The following MICAL3 variants were observed in gnomAD, a reference collection of about 807,000 sequenced individuals.
MICAL3 encodes the protein [F-actin]-monooxygenase MICAL3.
MICAL3 carries 62 observed loss-of-function variants against 207.4 expected under a neutral mutation model. The ratio of observed to expected loss-of-function variants is 0.30; its 90% CI spans 0.24 to 0.37. The LOEUF (loss-of-function observed/expected upper bound fraction) is 0.37. Among genes scored for constraint, MICAL3 ranks in the 10% least tolerant of loss-of-function variants. MICAL3 has a pLI of 1.00. For synonymous variants in MICAL3, 1,077 were observed against 1,069.3 expected (o/e 1.01, Z -0.14); for missense variants, 2,368 against 2,635.6 (o/e 0.90, Z 2.22).
chr22:17,883,640 C>G (rs900216063), intron 16 of MICAL3, among the ~76,000 whole-genome samples: 4 of 152,208 alleles, frequency 2.6e-5, no homozygotes, highest in African/African-American at 9.7e-5. Context: ...GCTGGGTTTT[C>G]TCTTAGAAAG....
intron 1 of MICAL3, among the ~76,000 whole-genome samples, chr22:17,965,308 T>TA (rs1935097676): frequency 6.6e-6 from 1 of 151,742 alleles, no homozygotes; most frequent in African/African-American, 2.4e-5. Context: ...CCGGAACCCC[T>TA]AAAAGACCCT....
chr22:17,810,829 GA>G lies in MICAL3; in HGVS notation c.5446-17del. On this transcript the variant is annotated splice_polypyrimidine_tract_variant and intron_variant, in intron 27 of 31. Coordinates refer to ENST00000441493, the MANE Select transcript of MICAL3 (RefSeq NM_015241.3). ...AGGTTCTTGGCTGGAGAGAACAAGA[GA>G]AACTTCCTCAGTCAGGTGCACGGAG... is the stretch of plus-strand genomic sequence containing the variant. 6.2e-7 allele frequency: 1 copy of G among 1,607,896 alleles called. No homozygotes were observed. The highest frequency in any genetic ancestry group is 8.5e-7 in the Non-Finnish European group (1 of 1,174,382).
chr22:17,879,315 C>T (rs768314843), intron 16 of MICAL3: 2 of 1,589,956 alleles, frequency 1.3e-6, no homozygotes, highest in Admixed American at 1.8e-5. Flanking sequence ...TGGCTCTCAG[C>T]ATCCCATGCC....
At chr22:17,895,778 C>T (rs192554777) in intron 9 of MICAL3, among the ~76,000 whole-genome samples, 99 of 152,182 alleles carry the variant, frequency 6.5e-4, no homozygotes, top group Middle Eastern at 6.8e-3. Flanking sequence ...AGTCAGAATA[C>T]CTTAAATAAG....
At chr22:17,836,359 A>C (rs1295051226) in intron 20 of MICAL3, among the ~76,000 whole-genome samples, 1 of 152,254 alleles carries the variant, frequency 6.6e-6, no homozygotes, top group Admixed American at 6.5e-5. Flanking sequence ...CGCTGCTTTT[A>C]TAAATGACAA....
chr22:17,982,660 G>T (rs552578195), intron 1 of MICAL3, among the ~76,000 whole-genome samples: 2 of 116,926 alleles, frequency 1.7e-5, no homozygotes, highest in Admixed American at 8.6e-5. Flanking sequence ...GACAGAGTAA[G>T]ACTTCATCTC....
chr22:17,787,969 A>C lies in MICAL3; in HGVS notation c.*2763T>G, dbSNP rs898963249. 1 of 152,284 alleles carries C rather than the reference A, an allele frequency of 6.6e-6. No homozygotes were observed. Among genetic ancestry groups the C allele is most frequent in the Non-Finnish European group, 1.5e-5 (1 of 68,048 alleles). The allele number at this position is 152,284 out of a possible 1,614,324, so 9.4% of individuals were successfully genotyped here. A position where few individuals can be genotyped will look rare whatever the true frequency, so the allele number is the denominator to read the frequency against. ...CTCCACGGTATTCAGCCTCCAGTTT[A>C]GTCAGCCTTGAGTCTGGGCTGCTCC... On this transcript the variant is annotated 3_prime_UTR_variant, in exon 32 of 32. Transcript: ENST00000441493.
chr22:17,860,248 C>G, intron 19 of MICAL3: 3 of 984,638 alleles, frequency 3.0e-6, no homozygotes, highest in Non-Finnish European at 3.6e-6. Context: ...TCACAGTCAA[C>G]GGCAAAAACA....
chr22:17,827,798 A>G lies in MICAL3; in HGVS notation c.3056-17T>C, dbSNP rs1292857127. The G allele has an allele frequency of 1.3e-6, 2 of 1,538,292 alleles. No individual in the cohort carries two copies. ...GGTTCCCGGCTAGTGTCCCAGGGTC[A>G]AGGGGTGGAGAAATGAGGTGGGGAA... is the stretch of plus-strand genomic sequence containing the variant. On this transcript the variant is annotated splice_polypyrimidine_tract_variant and intron_variant, in intron 21 of 31. Coordinates refer to ENST00000441493, the MANE Select transcript of MICAL3 (RefSeq NM_015241.3).
At chr22:17,950,344 T>C (rs111652497) in intron 1 of MICAL3, among the ~76,000 whole-genome samples, 1 of 87,476 alleles carries the variant, frequency 1.1e-5, no homozygotes, top group Non-Finnish European at 2.7e-5. Context: ...TTTGTTTTTT[T>C]TTTTTTTTTT....
intron 1 of MICAL3, among the ~76,000 whole-genome samples, chr22:18,018,677 G>T (rs1924229061): frequency 6.6e-6 from 1 of 152,032 alleles, no homozygotes; most frequent in Admixed American, 6.6e-5. Flanking sequence ...AGTCAAGATT[G>T]TACCACTGCA....
chr22:17,916,230 T>A (rs1932508410), intron 1 of MICAL3, among the ~76,000 whole-genome samples: 1 of 152,092 alleles, frequency 6.6e-6, no homozygotes, highest in Non-Finnish European at 1.5e-5. Context: ...TTCCCTCCAA[T>A]GATAGCGAGC....
chr22:17,865,042 C>G (rs1266999046), intron 18 of MICAL3, 56 bp from the exon 19 acceptor site: 11 of 1,540,830 alleles, frequency 7.1e-6, no homozygotes, highest in Non-Finnish European at 9.6e-6. Context: ...CTCAAATCCT[C>G]AAATCCCTAG....
chr22:17,960,788 A>C (rs772920387), intron 1 of MICAL3, among the ~76,000 whole-genome samples: 5 of 152,088 alleles, frequency 3.3e-5, no homozygotes, highest in South Asian at 2.1e-4. Flanking sequence ...GAGAGGAAGC[A>C]CTAAGCTGTG....
intron 1 of MICAL3, among the ~76,000 whole-genome samples, chr22:17,953,743 C>A (rs1934460973): frequency 6.6e-6 from 1 of 151,588 alleles, no homozygotes; most frequent in Admixed American, 6.6e-5. Context: ...CCAGCCTGAC[C>A]AACAAGGTGA....
At chr22:17,849,537 G>A (rs1375086344) in intron 19 of MICAL3, among the ~76,000 whole-genome samples, 1 of 151,150 alleles carries the variant, frequency 6.6e-6, no homozygotes, top group Non-Finnish European at 1.5e-5. Context: ...GTCTTGCTAT[G>A]TTGCCCAGGC....
At chr22:17,884,240 G>C (rs1301145307) in intron 16 of MICAL3, 14 of 1,500,744 alleles carry the variant, frequency 9.3e-6, no homozygotes, top group Non-Finnish European at 1.3e-5. Context: ...GGCCTGGAGA[G>C]ACAGCACCCA....
At chr22:17,871,805 C>A in intron 17 of MICAL3, 32 bp downstream of exon 17, 1 of 1,564,196 alleles carries the variant, frequency 6.4e-7, no homozygotes, top group Non-Finnish European at 8.7e-7. Flanking sequence ...AGCACAGTTT[C>A]TCAGTGGGGC....
At chr22:17,861,632 T>C in intron 19 of MICAL3, 1 of 985,470 alleles carries the variant, frequency 1.0e-6, no homozygotes, top group Non-Finnish European at 1.2e-6. Context: ...CTGCCTATTG[T>C]TCAAGCTTTT....
Sources: allele counts gnomAD v4.1 joint callset (sites outside exome capture counted in the v4.1 genomes callset), GRCh38; gene constraint gnomAD v4.1.1; transcripts MANE v1.5; gene names NCBI Gene and HGNC (gene_info 2026-07-23, HGNC 2026-07-21).